The following SRP54 variants were observed in gnomAD, a reference collection of about 807,000 sequenced individuals.
SRP54 encodes the protein signal recognition particle 54, also known as signal recognition particle subunit SRP54.
A neutral mutation model predicts 64.8 loss-of-function variants in SRP54; 10 were observed. The ratio of observed to expected loss-of-function variants is 0.15; its 90% CI spans 0.10 to 0.26. SRP54 has a LOEUF of 0.26. SRP54 is among the 10% of genes least tolerant of loss of function. The pLI is 1.00. For missense variants in SRP54, 325 were observed against 613.7 expected (o/e 0.53, Z 4.97); for synonymous variants, 193 against 185.6 (o/e 1.04, Z -0.32).
chr14:35,019,509 C>T (rs1566655127), intron 13 of SRP54: 1 of 153,544 alleles, frequency 6.5e-6, no homozygotes, highest in African/African-American at 2.4e-5. Context: ...GTAGCAAGAC[C>T]CTGCCTCTAT....
chr14:34,997,596 A>G lies in SRP54; in HGVS notation c.78+809A>G, dbSNP rs180906907. ...GAAAATGGTTTTAAGTTTCAAATAA[A>G]CTTTCTAACTTGGAGGTTAGAAAAC... On this transcript the variant is annotated intron_variant, in intron 2 of 15. Transcript: ENST00000216774. Among the ~76,000 whole-genome samples the G allele has an allele frequency of 2.5e-3, 388 of 152,332 alleles. 2 individuals are homozygous for G. Among genetic ancestry groups the G allele is most frequent in the Middle Eastern group, 0.02 (6 of 294 alleles).
chr14:34,991,122 T>C (rs1020667973), intron 1 of SRP54, among the ~76,000 whole-genome samples: 2 of 134,022 alleles, frequency 1.5e-5, no homozygotes, highest in Non-Finnish European at 3.3e-5. Context: ...TTTTTTTTTT[T>C]TTTTTTTGTT....
intron 4 of SRP54, among the ~76,000 whole-genome samples, chr14:35,006,435 A>C (rs1178594351): frequency 6.6e-6 from 1 of 152,226 alleles, no homozygotes; most frequent in Admixed American, 6.5e-5. Context: ...GTCCAAACTG[A>C]GATGTGTTTT....
chr14:35,018,257 G>T (rs1372677079), intron 11 of SRP54, among the ~76,000 whole-genome samples: 2 of 151,918 alleles, frequency 1.3e-5, no homozygotes, highest in East Asian at 3.8e-4. Context: ...CCATTTTCCT[G>T]TTCATAGATA....
At chr14:35,014,048 A>ACC in intron 10 of SRP54, 146 bp downstream of exon 10, 3 of 620,736 alleles carry the variant, frequency 4.8e-6, no homozygotes, top group Non-Finnish European at 8.2e-6. Context: ...AATAGAGATA[A>ACC]TGGTTATCTG....
intron 11 of SRP54, among the ~76,000 whole-genome samples, chr14:35,016,988 G>A (rs559823349): frequency 6.6e-6 from 1 of 151,994 alleles, no homozygotes; most frequent in Admixed American, 6.6e-5. Context: ...CCCATTAGCT[G>A]GGACTACAGG....
At chr14:34,999,463 C>G in intron 2 of SRP54, 95 bp from the exon 3 acceptor site, 1 of 821,918 alleles carries the variant, frequency 1.2e-6, no homozygotes, top group South Asian at 1.6e-5. Flanking sequence ...TGTGGTATTA[C>G]TAAGCTGTGG....
rs546414402 is a variant in SRP54 at position 34,986,536 on chromosome 14, A to G, written c.-34+3321A>G. The stretch of plus-strand genomic sequence containing the variant: ...AAATAATTTTCCCTTGACTTAAAAA[A>G]TAGTGTTCTCAGTCATTACTAAAAA... On this transcript the variant is annotated intron_variant, in intron 1 of 15. Coordinates refer to ENST00000216774, the MANE Select transcript of SRP54 (RefSeq NM_003136.4). Among the ~76,000 whole-genome samples, 5 of 152,342 alleles carry G rather than the reference A, an allele frequency of 3.3e-5. No individual in the cohort carries two copies. The South Asian group carries it at 1.0e-3, about 32-fold the overall frequency.
chr14:34,988,574 A>ATAT (rs1432370684), intron 1 of SRP54, among the ~76,000 whole-genome samples: 2 of 98,516 alleles, frequency 2.0e-5, no homozygotes. Context: ...AAAAAAAAAA[A>ATAT]AAAAATATAT....
chr14:35,013,641 G>T, intron 9 of SRP54, 147 bp downstream of exon 9: 1 of 1,145,822 alleles, frequency 8.7e-7, no homozygotes, highest in South Asian at 1.6e-5. Context: ...AAACAATTTT[G>T]GAGCCTGTCT....
At chr14:35,021,260 T>G (rs1444675917) in intron 13 of SRP54, among the ~76,000 whole-genome samples, 1 of 152,202 alleles carries the variant, frequency 6.6e-6, no homozygotes, top group Non-Finnish European at 1.5e-5. Flanking sequence ...AATGGGGTTC[T>G]AAACCATGTT....
chr14:34,985,516 T>A (rs551186190), intron 1 of SRP54, among the ~76,000 whole-genome samples: 1 of 152,332 alleles, frequency 6.6e-6, no homozygotes, highest in Admixed American at 6.5e-5. Context: ...TTTCTCTAGT[T>A]CAAGGCCACA....
chr14:35,003,830 A>G lies in SRP54; in HGVS notation c.255+2810A>G, dbSNP rs533628685. Among the ~76,000 whole-genome samples, 5 of 150,626 alleles carry G rather than the reference A, an allele frequency of 3.3e-5. No individual in the cohort carries two copies. The East Asian group carries it at 1.0e-3, about 30-fold the overall frequency. ...ACACCTGTAAACCGAGTTACTCGGG[A>G]GGGTAAGGTGGGAGAATCGCTTGAA... On this transcript the variant is annotated intron_variant, in intron 4 of 15. Transcript: ENST00000216774.
chr14:35,000,965 C>G lies in SRP54; in HGVS notation c.200C>G (p.Ser67Cys), dbSNP rs1306533257. The G allele has an allele frequency of 6.3e-7, 1 of 1,593,880 alleles. No individual in the cohort carries two copies. Among genetic ancestry groups the G allele is most frequent in the South Asian group, 1.1e-5 (1 of 87,122 alleles). ...KSAIDLEEMASGLNKRKMIQH... is the reference protein window; with the variant it reads ...KSAIDLEEMACGLNKRKMIQH... ...GCTATTGATCTTGAAGAGATGGCAT[C>G]TGGTCTTAACAAAAGAAAAATGATT... Residue 67 changes from serine to cysteine, a missense_variant, in exon 4 of 16, where the codon TCT becomes TGT. Ser to Cys is a moderately radical substitution (Grantham distance 112, BLOSUM62 -1). This residue lies in a region of SRP54 where 156 missense variants were observed against 254.6 expected (regional missense o/e 0.61). Coordinates refer to ENST00000216774, the MANE Select transcript of SRP54 (RefSeq NM_003136.4).
intron 11 of SRP54, 82 bp downstream of exon 11, chr14:35,014,912 A>G: frequency 4.0e-6 from 4 of 1,001,518 alleles, no homozygotes; most frequent in Non-Finnish European, 6.1e-6. Flanking sequence ...GTTATTTGAA[A>G]TGTAATATCT....
intron 15 of SRP54, 35 bp from the exon 16 acceptor site, chr14:35,029,026 C>G (rs776225120): frequency 2.6e-6 from 4 of 1,523,188 alleles, no homozygotes; most frequent in Non-Finnish European, 3.6e-6. Flanking sequence ...TAATAATTCT[C>G]TGTTTTTAAC....
chr14:35,024,511 A>G (rs1391068541), intron 14 of SRP54, among the ~76,000 whole-genome samples: 3 of 151,928 alleles, frequency 2.0e-5, no homozygotes, highest in African/African-American at 7.3e-5. Context: ...TCTTTGGTTT[A>G]TGTCTTCAAA....
At chr14:34,999,512 A>G (rs1246683436) in intron 2 of SRP54, 46 bp from the exon 3 acceptor site, 4 of 1,435,882 alleles carry the variant, frequency 2.8e-6, no homozygotes, top group Non-Finnish European at 2.9e-6. Context: ...TGGAACTGAA[A>G]TGAAACATTG....
At chr14:35,013,712 C>G in intron 9 of SRP54, 90 bp from the exon 10 acceptor site, 1 of 1,224,150 alleles carries the variant, frequency 8.2e-7, no homozygotes, top group South Asian at 1.4e-5. Context: ...GTCTAATTAG[C>G]TTTGGAGGCG....
Sources: gnomAD v4.1 joint callset for allele counts (sites outside exome capture counted in the v4.1 genomes callset) on GRCh38, gnomAD v4.1.1 for gene constraint, gnomAD v4.1.1 regional missense constraint, MANE v1.5 for transcripts, NCBI Gene and HGNC (gene_info 2026-07-23, HGNC 2026-07-21) for gene names.